The following METAP1D variants were observed in gnomAD, a reference collection of about 807,000 sequenced individuals.
The protein encoded by METAP1D is methionine aminopeptidase 1D, mitochondrial.
Under a neutral mutation model 40.5 loss-of-function variants are expected in METAP1D, and 31 were observed. The observed-to-expected ratio is 0.77, with a 90% CI of 0.58 to 1.03. The LOEUF is 1.03. Among genes scored for constraint, METAP1D ranks in the 50% least tolerant of loss-of-function variants. METAP1D has a pLI of 0.00. For missense variants in METAP1D, 411 were observed against 420.7 expected, an observed-to-expected ratio of 0.98 and a Z score of 0.20; for synonymous variants, 151 against 146.4, an observed-to-expected ratio of 1.03 and a Z score of -0.22.
intron 6 of METAP1D, chr2:172,072,578 A>T (rs1225078255): frequency 6.1e-6 from 1 of 165,054 alleles, no homozygotes; most frequent in Non-Finnish European, 1.5e-5. Flanking sequence ...ACAGCTGCAC[A>T]TGGGCTTTTG....
At chr2:172,045,940 C>T (rs1193323535) in intron 1 of METAP1D, among the ~76,000 whole-genome samples, 1 of 138,200 alleles carries the variant, frequency 7.2e-6, no homozygotes. Flanking sequence ...ATACGATAAG[C>T]CTGACCCTAC....
At chr2:172,033,045 C>A (rs1220659455) in intron 1 of METAP1D, among the ~76,000 whole-genome samples, 1 of 151,574 alleles carries the variant, frequency 6.6e-6, no homozygotes, top group Non-Finnish European at 1.5e-5. Flanking sequence ...GGCGACAGAG[C>A]AAGACTCCAT....
Position 172,081,799 on chromosome 2 carries a change from T to C in METAP1D, c.*1393T>C, listed in dbSNP as rs1047889. 0.42 allele frequency: 63,356 copies of C among 152,054 alleles called. 13,806 individuals carry two copies. The highest frequency in any genetic ancestry group is 0.61 in the East Asian group (3,179 of 5,182). The allele number at this position is 152,054 out of a possible 1,614,324, so 9.4% of individuals were successfully genotyped here. ...TCGGAAGCGGCAAGGAAATGGCACC[T>C]GTAGTTGCCAGGACAGGTGGTGTCC... On this transcript the variant is annotated 3_prime_UTR_variant, in exon 10 of 10. Coordinates refer to ENST00000315796, the MANE Select transcript of METAP1D (RefSeq NM_199227.3).
chr2:172,040,823 T>C (rs1689503013), intron 1 of METAP1D, among the ~76,000 whole-genome samples: 1 of 139,270 alleles, frequency 7.2e-6, no homozygotes, highest in African/African-American at 2.7e-5. Context: ...CTCGGCTCAC[T>C]GCAGCCTCTG....
rs76640884 is a variant in METAP1D at position 172,063,417 on chromosome 2, G to A, written c.199-294G>A. ...TATGCTTCTAACTGGGTTGGGAGGA[G>A]GAAAAAGAGAAAACTACTGTTTGTT... On this transcript the variant is annotated intron_variant, in intron 2 of 9. Transcript: ENST00000315796. Among the ~76,000 whole-genome samples, 968 of 152,256 alleles carry A rather than the reference G, an allele frequency of 6.4e-3. 13 individuals are homozygous for A. Among genetic ancestry groups the A allele is most frequent in the African/African-American group, 0.022 (926 of 41,542 alleles).
intron 1 of METAP1D, among the ~76,000 whole-genome samples, chr2:172,031,170 A>G (rs1689233702): frequency 6.6e-6 from 1 of 152,240 alleles, no homozygotes; most frequent in African/African-American, 2.4e-5. Flanking sequence ...CTTGGAACAT[A>G]AAATGTCCAA....
At chr2:172,033,157 G>A (rs542255777) in intron 1 of METAP1D, among the ~76,000 whole-genome samples, 73 of 151,836 alleles carry the variant, frequency 4.8e-4, no homozygotes, top group African/African-American at 1.7e-3. Context: ...ACAAAGGACA[G>A]AGAAACATAT....
At chr2:172,079,286 T>C in intron 8 of METAP1D, 24 bp downstream of exon 8, 1 of 1,613,190 alleles carries the variant, frequency 6.2e-7, no homozygotes, top group Non-Finnish European at 8.5e-7. Flanking sequence ...CTCTTCCGAG[T>C]GAGTGCGTAG....
Position 172,065,741 on chromosome 2 carries a change from T to C in METAP1D, c.486T>C (p.Gly162=). The C allele has an allele frequency of 2.5e-6, 4 of 1,613,762 alleles. No individual in the cohort carries two copies. Among genetic ancestry groups the C allele is most frequent in the Non-Finnish European group, 3.4e-6 (4 of 1,179,826 alleles). ...CTGTAAACAACGTGCTCTGTCATGG[T>C]ATTCCTGACAGGTATTCAGTTCTTA... ...CTSVNNVLCH[G]IPDSRPLQDG... is the part of the protein sequence containing the mutation. Residue 162 remains glycine (G), a synonymous_variant, in exon 4 of 10, where the codon GGT becomes GGC. Transcript: ENST00000315796.
chr2:172,059,516 T>G (rs1475260357), intron 1 of METAP1D, among the ~76,000 whole-genome samples: 1 of 152,192 alleles, frequency 6.6e-6, no homozygotes, highest in Admixed American at 6.5e-5. Flanking sequence ...AAATCCTCCA[T>G]AGACATTTGT....
intron 1 of METAP1D, among the ~76,000 whole-genome samples, chr2:172,028,773 A>G (rs560094094): frequency 2.0e-4 from 30 of 152,190 alleles, no homozygotes; most frequent in Non-Finnish European, 3.5e-4. Flanking sequence ...TTTCTTAGGA[A>G]TAAAAAAGGA....
chr2:172,080,264 C>T (rs578180141), intron 9 of METAP1D, 58 bp downstream of exon 9: 2 of 1,613,708 alleles, frequency 1.2e-6, no homozygotes, highest in Non-Finnish European at 1.7e-6. Context: ...ATTGGTCCGA[C>T]GGCGCGCTTG....
chr2:172,034,956 T>C (rs1006986507), intron 1 of METAP1D, among the ~76,000 whole-genome samples: 2 of 151,848 alleles, frequency 1.3e-5, no homozygotes, highest in African/African-American at 2.4e-5. Context: ...CTTCAAAATA[T>C]AGAGAAACCC....
At chr2:172,044,298 C>T (rs1208638454) in intron 1 of METAP1D, among the ~76,000 whole-genome samples, 1 of 129,444 alleles carries the variant, frequency 7.7e-6, no homozygotes, top group Admixed American at 7.8e-5. Context: ...CGGTGGCTCA[C>T]ACCTGTAATC....
At position 171,999,969 on chromosome 2, in the gene METAP1D, C is replaced by CATGGCGGCGCCCA; in HGVS notation, c.1_13dup (p.Ser5AsnfsTer17). 1 of 1,365,134 alleles carries CATGGCGGCGCCCA rather than the reference C, an allele frequency of 7.3e-7. No individual in the cohort carries two copies. Among genetic ancestry groups the CATGGCGGCGCCCA allele is most frequent in the East Asian group, 3.1e-5 (1 of 32,596 alleles). The allele number at this position is 1,365,134 out of a possible 1,614,324, so 84.6% of individuals were successfully genotyped here. A position where few individuals can be genotyped will look rare whatever the true frequency, so the allele number is the denominator to read the frequency against. On this transcript the variant is annotated 5_prime_UTR_variant, in exon 1 of 10. It adds an upstream start codon to the 5' untranslated region. Transcript: ENST00000315796. ...CTCGCGGCCACGTGACCGACGCCAA[C>CATGGCGGCGCCCA]ATGGCGGCGCCCAGTGGCGTCCACC...
intron 5 of METAP1D, among the ~76,000 whole-genome samples, chr2:172,068,381 G>A (rs1476177540): frequency 1.3e-5 from 2 of 151,970 alleles, no homozygotes; most frequent in African/African-American, 4.8e-5. Context: ...GTGACAGAGC[G>A]AGACTCTGTC....
At chr2:172,068,277 C>T (rs1382827080) in intron 5 of METAP1D, among the ~76,000 whole-genome samples, 2 of 152,120 alleles carry the variant, frequency 1.3e-5, no homozygotes, top group East Asian at 3.9e-4. Flanking sequence ...CCTCTAATCC[C>T]AGCTACTTAG....
chr2:172,074,594 A>T (rs1690500243), intron 6 of METAP1D, among the ~76,000 whole-genome samples: 1 of 152,180 alleles, frequency 6.6e-6, no homozygotes, highest in Non-Finnish European at 1.5e-5. Context: ...GTAATTTGTG[A>T]TCTGGTTTGA....
intron 1 of METAP1D, among the ~76,000 whole-genome samples, chr2:172,011,575 C>T (rs751209594): frequency 2.0e-5 from 3 of 152,162 alleles, no homozygotes; most frequent in Non-Finnish European, 2.9e-5. Flanking sequence ...TGAGCCACCG[C>T]GCCCGGCCTA....
Sources: allele counts gnomAD v4.1 joint callset (sites outside exome capture counted in the v4.1 genomes callset), GRCh38; gene constraint gnomAD v4.1.1; transcripts MANE v1.5; gene names NCBI Gene and HGNC (gene_info 2026-07-23, HGNC 2026-07-21).